Variants in RUNDC3B observed in about 807,000 individuals in gnomAD.
RUNDC3B encodes RUN domain-containing protein 3B.
Under a neutral mutation model 58.4 loss-of-function variants are expected in RUNDC3B, and 33 were observed. The ratio of observed to expected loss-of-function variants is 0.56; its 90% CI spans 0.43 to 0.75. The LOEUF is 0.75. Ranked by LOEUF, RUNDC3B falls within the 30% of genes least tolerant of loss-of-function variation. The probability of loss-of-function intolerance (pLI) is 0.00; values close to 1 mark genes in which losing one functional copy is unlikely to be tolerated. For synonymous variants in RUNDC3B, 193 were observed against 195.2 expected (o/e 0.99, Z 0.10); for missense variants, 501 against 535.7 (o/e 0.94, Z 0.64).
At chr7:87,715,818 T>C (rs1830523734) in intron 4 of RUNDC3B, among the ~76,000 whole-genome samples, 1 of 151,832 alleles carries the variant, frequency 6.6e-6, no homozygotes, top group Non-Finnish European at 1.5e-5. Flanking sequence ...GCTTATTAAC[T>C]GACCAATTAC....
At chr7:87,631,359 A>C (rs28381766) in intron 1 of RUNDC3B, among the ~76,000 whole-genome samples, 1 of 151,830 alleles carries the variant, frequency 6.6e-6, no homozygotes, top group African/African-American at 2.4e-5. Flanking sequence ...TGGGTATTTC[A>C]CTCATGTCTC....
chr7:87,663,348 A>G (rs966978108), intron 2 of RUNDC3B, among the ~76,000 whole-genome samples: 1 of 151,962 alleles, frequency 6.6e-6, no homozygotes, highest in Admixed American at 6.6e-5. Context: ...TTAACTAACC[A>G]TCTCGTTGTC....
intron 2 of RUNDC3B, among the ~76,000 whole-genome samples, chr7:87,687,425 C>G (rs1827576034): frequency 6.6e-6 from 1 of 152,116 alleles, no homozygotes; most frequent in Non-Finnish European, 1.5e-5. Flanking sequence ...CTCAAGCACT[C>G]CTGACCTCTT....
At chr7:87,783,230 T>C (rs1479880502) in intron 8 of RUNDC3B, among the ~76,000 whole-genome samples, 1 of 151,980 alleles carries the variant, frequency 6.6e-6, no homozygotes, top group East Asian at 1.9e-4. Flanking sequence ...TGTATTGAAC[T>C]CTTTATCATT....
At position 87,628,936 on chromosome 7, in the gene RUNDC3B, C is replaced by T. The variant is rs1335704187; in HGVS notation, c.113C>T (p.Thr38Ile). 7.6e-7 allele frequency: 1 copy of T among 1,310,118 alleles called. No individual in the cohort carries two copies. Among genetic ancestry groups the T allele is most frequent in the Non-Finnish European group, 9.8e-7 (1 of 1,020,566 alleles). The allele number at this position is 1,310,118 out of a possible 1,614,324, so 81.2% of individuals were successfully genotyped here. A position where few individuals can be genotyped will look rare whatever the true frequency, so the allele number is the denominator to read the frequency against. The change falls in exon 1 of 11, where the codon ACC becomes ATC. Residue 38 changes from threonine to isoleucine, a missense_variant. By Grantham distance (89) the Thr-to-Ile change is moderately conservative. Coordinates refer to ENST00000394654, the MANE Select transcript of RUNDC3B (RefSeq NM_001134405.2). ...GCGGTGGAGAGGAGGAACCTGATCA[C>T]CGTGTGCAGGTACGGCAGCGCAGGG... Reference protein sequence around the residue: ...NAAVERRNLITVCRFSVKTLI... With the variant: ...NAAVERRNLIIVCRFSVKTLI...
rs555298503 is a variant in RUNDC3B, at chr7:87,819,561, C to T, written c.1225+3299C>T. Among the ~76,000 whole-genome samples, 708 of 152,248 alleles carry T rather than the reference C, an allele frequency of 4.7e-3. 4 individuals are homozygous for T. Among genetic ancestry groups the T allele is most frequent in the African/African-American group, 0.016 (682 of 41,550 alleles). On this transcript the variant is annotated intron_variant, in intron 10 of 10. Coordinates refer to ENST00000394654, the MANE Select transcript of RUNDC3B (RefSeq NM_001134405.2). Reference sequence around the variant, plus strand: ...CCTAATAGACATCTACAGAACTCTCCACCCCAAATCAACAGAATATACATT... The same window carrying T: ...CCTAATAGACATCTACAGAACTCTCTACCCCAAATCAACAGAATATACATT...
intron 6 of RUNDC3B, among the ~76,000 whole-genome samples, chr7:87,749,272 G>C (rs1832824122): frequency 6.6e-6 from 1 of 152,048 alleles, no homozygotes; most frequent in Non-Finnish European, 1.5e-5. Context: ...GTTTTTGAAA[G>C]GTACAATAAT....
chr7:87,785,285 C>G (rs1274076256), intron 8 of RUNDC3B, among the ~76,000 whole-genome samples: 1 of 152,018 alleles, frequency 6.6e-6, no homozygotes, highest in Non-Finnish European at 1.5e-5. Flanking sequence ...GGTCAACAGA[C>G]TGAACCCTTC....
intron 4 of RUNDC3B, among the ~76,000 whole-genome samples, chr7:87,721,691 C>G (rs1021176253): frequency 1.3e-5 from 2 of 152,002 alleles, no homozygotes; most frequent in African/African-American, 4.8e-5. Flanking sequence ...ATTGCACTTT[C>G]TAAGATTGAG....
intron 4 of RUNDC3B, among the ~76,000 whole-genome samples, chr7:87,736,845 ATATATATACC>A (rs1831967633): frequency 8.3e-6 from 1 of 120,240 alleles, no homozygotes; most frequent in Admixed American, 9.4e-5. Context: ...GTATGTGTGT[ATATATATACC>A]TATATATATA....
At chr7:87,629,109 C>A (rs1820931766) in intron 1 of RUNDC3B, 164 bp downstream of exon 1, 1 of 597,050 alleles carries the variant, frequency 1.7e-6, no homozygotes, top group Non-Finnish European at 2.5e-6. Context: ...TGGACAGGGG[C>A]CCGGGTCTGG....
chr7:87,631,536 G>A (rs1266657965), intron 1 of RUNDC3B, among the ~76,000 whole-genome samples: 11 of 152,022 alleles, frequency 7.2e-5, no homozygotes, highest in African/African-American at 2.7e-4. Flanking sequence ...GACTACAGGC[G>A]CCCGCCACCA....
intron 6 of RUNDC3B, among the ~76,000 whole-genome samples, chr7:87,756,930 T>G (rs1833407144): frequency 6.6e-6 from 1 of 152,148 alleles, no homozygotes; most frequent in Admixed American, 6.5e-5. Flanking sequence ...ACCATGACAC[T>G]GAGCTTTGTC....
chr7:87,652,094 T>G (rs148172881), intron 2 of RUNDC3B, among the ~76,000 whole-genome samples: 528 of 152,260 alleles, frequency 3.5e-3, no homozygotes, highest in Non-Finnish European at 6.1e-3. Flanking sequence ...GATGATCGTA[T>G]TTTTAAATTT....
chr7:87,705,049 A>C (rs1324053683), intron 3 of RUNDC3B, among the ~76,000 whole-genome samples: 1 of 152,238 alleles, frequency 6.6e-6, no homozygotes, highest in African/African-American at 2.4e-5. Context: ...TCACAATTAT[A>C]TCACAATTAT....
intron 2 of RUNDC3B, among the ~76,000 whole-genome samples, chr7:87,691,148 C>A (rs998768642): frequency 3.9e-5 from 6 of 152,012 alleles, no homozygotes; most frequent in African/African-American, 1.4e-4. Context: ...TCAGTCTTAT[C>A]AAGGAAAATT....
chr7:87,769,709 A>G (rs961504373), intron 6 of RUNDC3B, among the ~76,000 whole-genome samples: 11 of 151,940 alleles, frequency 7.2e-5, no homozygotes, highest in Admixed American at 1.3e-4. Flanking sequence ...ATAGTTATAC[A>G]TGTGCCATGG....
intron 8 of RUNDC3B, among the ~76,000 whole-genome samples, chr7:87,789,224 A>G (rs916008705): frequency 1.6e-4 from 24 of 152,222 alleles, no homozygotes; most frequent in Non-Finnish European, 3.2e-4. Context: ...TTTCCTAGTT[A>G]GCTGATGAAT....
In RUNDC3B at chr7:87,700,511, G is replaced by A. The variant is rs751080320; in HGVS notation, c.329G>A (p.Cys110Tyr). ...ACRKVSQNCI[C>Y]SIENMENVSS... ...CGGAAAGTTTCACAGAATTGTATCT[G>A]CAGCATTGAAAATATGGAAAATGTC... is the stretch of plus-strand genomic sequence containing the variant. The change falls in exon 3 of 11, where the codon TGC becomes TAC. Residue 110 changes from cysteine (C) to tyrosine (Y), a missense_variant. Physicochemically the swap from Cys to Tyr is radical, Grantham distance 194. Transcript: ENST00000394654. 5.0e-6 allele frequency: 8 copies of A among 1,613,242 alleles called. No homozygotes were observed. In the Admixed American group the frequency reaches 1.2e-4, roughly 24 times the overall value.
Sources: gnomAD v4.1 joint callset for allele counts (sites outside exome capture counted in the v4.1 genomes callset) on GRCh38, gnomAD v4.1.1 for gene constraint, MANE v1.5 for transcripts, NCBI Gene and HGNC (gene_info 2026-07-23, HGNC 2026-07-21) for gene names.